The following DCC variants were observed in gnomAD, a reference collection of about 807,000 sequenced individuals.
DCC encodes the protein DCC netrin 1 receptor.
DCC carries 58 observed loss-of-function variants against 172.5 expected under a neutral mutation model. The observed-to-expected ratio is 0.34, with a 90% CI of 0.27 to 0.42. The LOEUF (loss-of-function observed/expected upper bound fraction) is 0.42. Ranked by LOEUF, DCC falls within the 10% of genes least tolerant of loss-of-function variation. The pLI is 1.00. For missense variants in DCC, 1,740 were observed against 1,791.0 expected (o/e 0.97, Z 0.51); for synonymous variants, 709 against 644.5 (o/e 1.10, Z -1.52).
At chr18:53,259,950 A>G (rs770136566) in intron 12 of DCC, among the ~76,000 whole-genome samples, 11 of 151,902 alleles carry the variant, frequency 7.2e-5, no homozygotes, top group Non-Finnish European at 1.6e-4. Flanking sequence ...CATTTCATTC[A>G]TTTGATCTTC....
At chr18:53,439,787 C>T (rs1185093544) in intron 22 of DCC, among the ~76,000 whole-genome samples, 2 of 54,902 alleles carry the variant, frequency 3.6e-5, no homozygotes, top group Non-Finnish European at 1.4e-4. Flanking sequence ...TTTTTTGAGA[C>T]GGAGTCTCGC....
intron 1 of DCC, among the ~76,000 whole-genome samples, chr18:52,341,480 T>C (rs1365561809): frequency 1.3e-5 from 2 of 152,178 alleles, no homozygotes; most frequent in Middle Eastern, 3.4e-3. Flanking sequence ...GGGAGGTGTG[T>C]TTAATATTGT....
chr18:52,419,477 G>A (rs1434029523), intron 1 of DCC: 2 of 152,168 alleles, frequency 1.3e-5, no homozygotes, highest in African/African-American at 2.4e-5. Context: ...TAGAGAGTAC[G>A]ACCAAGGAAT....
At chr18:53,511,612 G>A (rs1249228563) in intron 27 of DCC, among the ~76,000 whole-genome samples, 3 of 152,162 alleles carry the variant, frequency 2.0e-5, no homozygotes, top group African/African-American at 4.8e-5. Flanking sequence ...CACACCGTGC[G>A]CGAGCCAAAG....
chr18:52,482,174 C>T (rs2029990421), intron 1 of DCC, among the ~76,000 whole-genome samples: 1 of 152,180 alleles, frequency 6.6e-6, no homozygotes, highest in Non-Finnish European at 1.5e-5. Flanking sequence ...CACTCACTTC[C>T]ACCCCTAATC....
intron 3 of DCC, among the ~76,000 whole-genome samples, chr18:52,912,895 C>G (rs1468096275): frequency 6.6e-6 from 1 of 152,034 alleles, no homozygotes; most frequent in East Asian, 1.9e-4. Flanking sequence ...TCCTTAAAAG[C>G]TGCAAGGCCA....
rs987038900 is a variant in DCC, at chr18:53,342,452, A to C, written c.2359+2545A>C. On this transcript the variant is annotated intron_variant, in intron 15 of 28. Transcript: ENST00000442544. ...TTTAAAACTCACTATCTACCTACCAATTGATCTATTTATCTATCAATTTAT... is the reference window on the plus strand; with the variant it reads ...TTTAAAACTCACTATCTACCTACCACTTGATCTATTTATCTATCAATTTAT... Among the ~76,000 whole-genome samples, 4 of 151,946 alleles carry C rather than the reference A, an allele frequency of 2.6e-5. No individual in the cohort carries two copies. In the South Asian group the frequency reaches 8.3e-4, roughly 32 times the overall value.
chr18:53,498,061 G>T (rs2046047361), intron 26 of DCC, among the ~76,000 whole-genome samples: 1 of 152,174 alleles, frequency 6.6e-6, no homozygotes, highest in Admixed American at 6.5e-5. Flanking sequence ...GCTGCTCAAT[G>T]ACCCAGAAGA....
chr18:52,564,647 G>T (rs1192383239), intron 1 of DCC, among the ~76,000 whole-genome samples: 1 of 132,012 alleles, frequency 7.6e-6, no homozygotes, highest in Non-Finnish European at 1.6e-5. Context: ...CAGGGTATGG[G>T]ATATCTTTTA....
At chr18:53,135,767 C>T (rs2043731843) in intron 7 of DCC, among the ~76,000 whole-genome samples, 1 of 152,056 alleles carries the variant, frequency 6.6e-6, no homozygotes, top group African/African-American at 2.4e-5. Flanking sequence ...ATTTCATTTC[C>T]TAAGGGAACA....
chr18:52,612,936 A>C (rs780634093), intron 1 of DCC, among the ~76,000 whole-genome samples: 1 of 152,196 alleles, frequency 6.6e-6, no homozygotes, highest in African/African-American at 2.4e-5. Context: ...GGGGTGTTTC[A>C]CATCAAATTA....
rs1033466018 is a variant in DCC, at chr18:53,002,695, A to G, written c.986-60610A>G. Among the ~76,000 whole-genome samples, 7 of 152,150 alleles carry G rather than the reference A, an allele frequency of 4.6e-5. No homozygotes were observed. The East Asian group carries it at 1.3e-3, about 29-fold the overall frequency. ...TATTATACTTTAAGTTTTAGGGTAC[A>G]TGTGCACAACGTGCAGGTTTGTTAC... On this transcript the variant is annotated intron_variant, in intron 5 of 28. Transcript: ENST00000442544.
chr18:53,375,031 C>A (rs1259340312), intron 15 of DCC, among the ~76,000 whole-genome samples: 1 of 152,164 alleles, frequency 6.6e-6, no homozygotes, highest in African/African-American at 2.4e-5. Context: ...ACAGACCTGG[C>A]TTGGAATCTG....
intron 21 of DCC, among the ~76,000 whole-genome samples, chr18:53,432,808 A>C (rs1175180568): frequency 6.6e-6 from 1 of 152,064 alleles, no homozygotes; most frequent in Non-Finnish European, 1.5e-5. Context: ...TAAAAGACAT[A>C]TTTCAGAGAA....
chr18:52,579,598 A>G (rs1266832623), intron 1 of DCC, among the ~76,000 whole-genome samples: 3 of 152,176 alleles, frequency 2.0e-5, no homozygotes, highest in Non-Finnish European at 2.9e-5. Flanking sequence ...GGCTGAACAG[A>G]TAAGACCTGT....
chr18:53,449,771 A>G (rs1599163649), intron 22 of DCC, among the ~76,000 whole-genome samples: 1 of 152,038 alleles, frequency 6.6e-6, no homozygotes, highest in Admixed American at 6.6e-5. Context: ...CCATAAACTC[A>G]CCCTTTGAAA....
chr18:53,310,991 G>GACACACACACACACAC (rs5825008), intron 13 of DCC, among the ~76,000 whole-genome samples: 2,673 of 145,716 alleles, frequency 0.018, 54 homozygotes, highest in South Asian at 0.06. Context: ...AAGCATCTAG[G>GACACACACACACACAC]ACACACACAC....
At chr18:52,644,238 T>C (rs1471209103) in intron 1 of DCC, among the ~76,000 whole-genome samples, 1 of 152,178 alleles carries the variant, frequency 6.6e-6, no homozygotes, top group Non-Finnish European at 1.5e-5. Context: ...AACTTGAATG[T>C]ACAGTTAGAG....
chr18:53,153,311 A>G (rs950202613), intron 7 of DCC, among the ~76,000 whole-genome samples: 1 of 152,174 alleles, frequency 6.6e-6, no homozygotes. Flanking sequence ...TGTGCTATCT[A>G]TAATTTCAGA....
Sources: allele counts gnomAD v4.1 joint callset (sites outside exome capture counted in the v4.1 genomes callset), GRCh38; gene constraint gnomAD v4.1.1; transcripts MANE v1.5; gene names NCBI Gene and HGNC (gene_info 2026-07-23, HGNC 2026-07-21).